SCGB1C2: variants seen among roughly 807,000 people sequenced by gnomAD.
The protein encoded by SCGB1C2 is secretoglobin family 1C member 2.
A neutral mutation model predicts 8.4 loss-of-function variants in SCGB1C2; 3 were observed. That is an observed-to-expected ratio of 0.36 (90% CI 0.16 to 0.92). The LOEUF is 0.92. Ranked by LOEUF, SCGB1C2 falls within the 40% of genes least tolerant of loss-of-function variation. SCGB1C2 has a pLI of 0.45. For synonymous variants in SCGB1C2, 18 were observed against 44.9 expected (o/e 0.40, Z 2.39); for missense variants, 54 against 105.7 (o/e 0.51, Z 2.14).
chr17:138,910 G>A lies in SCGB1C2; in HGVS notation c.256G>A (p.Val86Met). Residue 86 changes from valine to methionine, a missense_variant and splice_region_variant, in exon 3 of 3, where the codon GTG becomes ATG. Physicochemically the swap from Val to Met is conservative, Grantham distance 21. This residue lies in a region of SCGB1C2 where 54 missense variants were observed against 68.0 expected (regional missense o/e 0.79). Transcript: ENST00000595228. Reference protein sequence around the residue: ...MHKAELVKLLVQVLGSQDGA With the variant: ...MHKAELVKLLMQVLGSQDGA ...TAGTCCACATGTGTCTGCCTTCCAG[G>A]TGCAAGTGCTGGGCAGTCAGGACGG... 1.5e-6 allele frequency: 1 copy of A among 666,506 alleles called. No homozygotes were observed. Among genetic ancestry groups the A allele is most frequent in the East Asian group, 2.8e-5 (1 of 36,178 alleles). 41.3% of individuals were successfully genotyped at this position (666,506 alleles called of 1,614,324 possible).
chr17:138,329 C>T lies in SCGB1C2; in HGVS notation c.182C>T (p.Ala61Val). 1.2e-6 allele frequency: 2 copies of T among 1,611,824 alleles called. No homozygotes were observed. Among genetic ancestry groups the T allele is most frequent in the Non-Finnish European group, 1.7e-6 (2 of 1,179,386 alleles). The change falls in exon 2 of 3, where the codon GCA becomes GTA. Residue 61 changes from alanine (A) to valine (V), a missense_variant. Ala to Val is a moderately conservative substitution (Grantham distance 64). Coordinates refer to ENST00000595228, the MANE Select transcript of SCGB1C2 (RefSeq NM_001097610.3). ...TACAATGTCAACGAAGATGCCAAGG[C>T]AGCAATGACTGAACTCAAGTCCTGC... ...GKYNVNEDAK[A>V]AMTELKSCRD...
chr17:138,321 T>C lies in SCGB1C2; in HGVS notation c.174T>C (p.Asp58=). 1 of 1,610,628 alleles carries C rather than the reference T, an allele frequency of 6.2e-7. No homozygotes were observed. Among genetic ancestry groups the C allele is most frequent in the Non-Finnish European group, 8.5e-7 (1 of 1,178,700 alleles). ...TGGGCAAGTACAATGTCAACGAAGA[T>C]GCCAAGGCAGCAATGACTGAACTCA... ...GTLGKYNVNE[D]AKAAMTELKS... is the part of the protein sequence containing the mutation. The change falls in exon 2 of 3, where the codon GAT becomes GAC. Residue 58 remains aspartate, a synonymous_variant. Transcript: ENST00000595228.
rs1400810650 is a variant in SCGB1C2 at position 138,408 on chromosome 17, A to T, written c.255+6A>T. 3.8e-6 allele frequency: 6 copies of T among 1,565,626 alleles called. No homozygotes were observed. Among genetic ancestry groups the T allele is most frequent in the Non-Finnish European group, 5.2e-6 (6 of 1,154,556 alleles). On this transcript the variant is annotated splice_donor_region_variant and intron_variant, in intron 2 of 2. Coordinates refer to ENST00000595228, the MANE Select transcript of SCGB1C2 (RefSeq NM_001097610.3). ...CGGAGCTGGTCAAGCTGCTGGTATG[A>T]GGGCGGCGGGCACCCCATTTTCTAA...
rs1263795590 is a variant in SCGB1C2 at position 138,263 on chromosome 17, T to G, written c.116T>G (p.Val39Gly). The change falls in exon 2 of 3, where the codon GTG becomes GGG. Residue 39 changes from valine to glycine, a missense_variant. Physicochemically the swap from Val to Gly is moderately radical, Grantham distance 109. Around this residue, in one of 2 missense-constraint regions of SCGB1C2, gnomAD observed 54 missense variants for 68.0 expected, o/e 0.79. Transcript: ENST00000595228. ...ATGGACTTCCTGCAAACACTACTGG[T>G]GGGGACCCCAGAGGAGCTCTATGAG... ...FFMDFLQTLL[V>G]GTPEELYEGT... 3.3e-6 allele frequency: 4 copies of G among 1,219,142 alleles called. No homozygotes were observed. Among genetic ancestry groups the G allele is most frequent in the Non-Finnish European group, 3.6e-6 (3 of 832,644 alleles). 75.5% of individuals were successfully genotyped at this position (1,219,142 alleles called of 1,614,324 possible).
rs2039966300 is a variant in SCGB1C2, at chr17:138,400, C to T, written c.253C>T (p.Leu85=). 6.9e-6 allele frequency: 11 copies of T among 1,604,834 alleles called. No individual in the cohort carries two copies. Among genetic ancestry groups the T allele is most frequent in the Non-Finnish European group, 9.4e-6 (11 of 1,176,136 alleles). The change falls in exon 2 of 3, where the codon CTG becomes TTG. Residue 85 remains leucine, a splice_region_variant and synonymous_variant. Coordinates refer to ENST00000595228, the MANE Select transcript of SCGB1C2 (RefSeq NM_001097610.3). ...PMHKAELVKL[L]VQVLGSQDGA ...GCACAAGGCGGAGCTGGTCAAGCTG[C>T]TGGTATGAGGGCGGCGGGCACCCCA... is the stretch of plus-strand genomic sequence containing the variant.
At position 138,298 on chromosome 17, in the gene SCGB1C2, G is replaced by C; in HGVS notation, c.151G>C (p.Gly51Arg). The change falls in exon 2 of 3, where the codon GGC becomes CGC. Residue 51 changes from glycine to arginine, a missense_variant. By Grantham distance (125) the Gly-to-Arg change is moderately radical (BLOSUM62 -2). Transcript: ENST00000595228. Reference protein sequence around the residue: ...TPEELYEGTLGKYNVNEDAKA... With the variant: ...TPEELYEGTLRKYNVNEDAKA... ...AGAGGAGCTCTATGAGGGGACCTTG[G>C]GCAAGTACAATGTCAACGAAGATGC... 2.6e-6 allele frequency: 4 copies of C among 1,558,060 alleles called. No individual in the cohort carries two copies. Among genetic ancestry groups the C allele is most frequent in the Non-Finnish European group, 3.5e-6 (4 of 1,134,286 alleles).
intron 2 of SCGB1C2, 149 bp downstream of exon 2, chr17:138,551 G>C: frequency 5.6e-6 from 3 of 534,512 alleles, no homozygotes; most frequent in Non-Finnish European, 9.8e-6. Context: ...GGACACCCCA[G>C]ACCTCCTGTC....
At position 138,241 on chromosome 17, in the gene SCGB1C2, G is replaced by C; in HGVS notation, c.94G>C (p.Asp32His). Residue 32 changes from aspartate (D) to histidine (H), a missense_variant, in exon 2 of 3, where the codon GAC (aspartate) becomes CAC (histidine). By Grantham distance (81) the Asp-to-His change is moderately conservative. Around this residue, in one of 2 missense-constraint regions of SCGB1C2, gnomAD observed 54 missense variants for 68.0 expected, o/e 0.79. Coordinates refer to ENST00000595228, the MANE Select transcript of SCGB1C2 (RefSeq NM_001097610.3). ...TGEDNDEFFM[D>H]FLQTLLVGTP... ...GGAGGACAACGATGAGTTTTTCATG[G>C]ACTTCCTGCAAACACTACTGGTGGG... 2 of 1,182,570 alleles carry C rather than the reference G, an allele frequency of 1.7e-6. No homozygotes were observed. Among genetic ancestry groups the C allele is most frequent in the Non-Finnish European group, 2.5e-6 (2 of 812,428 alleles). 73.3% of individuals were successfully genotyped at this position (1,182,570 alleles called of 1,614,324 possible).
At chr17:137,749 C>G in intron 1 of SCGB1C2, 104 bp downstream of exon 1, 1 of 698,136 alleles carries the variant, frequency 1.4e-6, no homozygotes, top group African/African-American at 1.9e-5. Context: ...AGTGAACACT[C>G]CACCTGCTTC....
intron 2 of SCGB1C2, 42 bp from the exon 3 acceptor site, chr17:138,868 A>G: frequency 1.8e-6 from 1 of 543,000 alleles, no homozygotes; most frequent in Middle Eastern, 5.0e-4. Flanking sequence ...CTCTCCACTT[A>G]TTGAGCACAG....
chr17:139,065 G>T lies in SCGB1C2; in HGVS notation c.*123G>T. ...CCGTTTAATCAATAAAGCCTCTTCC[G>T]CAGCTCAGGCTCCTGTCTCTGCCCC... On this transcript the variant is annotated 3_prime_UTR_variant, in exon 3 of 3. Transcript: ENST00000595228. The T allele has an allele frequency of 1.7e-6, 1 of 582,570 alleles. No homozygotes were observed. Among genetic ancestry groups the T allele is most frequent in the Non-Finnish European group, 3.1e-6 (1 of 323,520 alleles). The allele number at this position is 582,570 out of a possible 1,614,324, so 36.1% of individuals were successfully genotyped here. A position where few individuals can be genotyped will look rare whatever the true frequency, so the allele number is the denominator to read the frequency against.
rs1259053621 is a variant in SCGB1C2 at position 138,370 on chromosome 17, C to G, written c.223C>G (p.Pro75Ala). ...ELKSCRDGLQ[P>A]MHKAELVKLL... ...CAAGTCCTGCAGAGATGGCCTGCAG[C>G]CAATGCACAAGGCGGAGCTGGTCAA... Residue 75 changes from proline (P) to alanine (A), a missense_variant, in exon 2 of 3, where the codon CCA (proline) becomes GCA (alanine). Coordinates refer to ENST00000595228, the MANE Select transcript of SCGB1C2 (RefSeq NM_001097610.3). 6.2e-7 allele frequency: 1 copy of G among 1,612,502 alleles called. No individual in the cohort carries two copies. The highest frequency in any genetic ancestry group is 8.5e-7 in the Non-Finnish European group (1 of 1,179,726).
chr17:138,435 G>A, intron 2 of SCGB1C2, 33 bp downstream of exon 2: 2 of 1,134,190 alleles, frequency 1.8e-6, no homozygotes, highest in South Asian at 2.9e-5. Context: ...ATTTTCTAAA[G>A]ATCTGCAGCC....
At position 138,309 on chromosome 17, in the gene SCGB1C2, T is replaced by C; in HGVS notation, c.162T>C (p.Asn54=). Reference sequence around the variant, plus strand: ...ATGAGGGGACCTTGGGCAAGTACAATGTCAACGAAGATGCCAAGGCAGCAA... The same window carrying C: ...ATGAGGGGACCTTGGGCAAGTACAACGTCAACGAAGATGCCAAGGCAGCAA... The part of the protein sequence containing the change: ...ELYEGTLGKY[N]VNEDAKAAMT... The change falls in exon 2 of 3, where the codon AAT becomes AAC. Residue 54 remains asparagine (N), a synonymous_variant. Coordinates refer to ENST00000595228, the MANE Select transcript of SCGB1C2 (RefSeq NM_001097610.3). The C allele has an allele frequency of 1.2e-6, 2 of 1,601,626 alleles. No individual in the cohort carries two copies. Among genetic ancestry groups the C allele is most frequent in the Non-Finnish European group, 1.7e-6 (2 of 1,171,664 alleles).
Position 138,345 on chromosome 17 carries a change from C to G in SCGB1C2, c.198C>G (p.Leu66=). The stretch of plus-strand genomic sequence containing the variant: ...ATGCCAAGGCAGCAATGACTGAACT[C>G]AAGTCCTGCAGAGATGGCCTGCAGC... The part of the protein sequence containing the change: ...NEDAKAAMTE[L]KSCRDGLQPM... The change falls in exon 2 of 3, where the codon CTC becomes CTG. Residue 66 remains leucine (L), a synonymous_variant. Transcript: ENST00000595228. 6.2e-7 allele frequency: 1 copy of G among 1,612,862 alleles called. No homozygotes were observed.
chr17:138,820 C>G (rs1237355928), intron 2 of SCGB1C2, 90 bp from the exon 3 acceptor site: 9 of 664,164 alleles, frequency 1.4e-5, no homozygotes, highest in African/African-American at 2.5e-5. Flanking sequence ...CCAGACCCCC[C>G]CCCCACTGAG....
In SCGB1C2 at chr17:138,411, G is replaced by T; in HGVS notation, c.255+9G>T. 3 of 1,532,924 alleles carry T rather than the reference G, an allele frequency of 2.0e-6. No individual in the cohort carries two copies. Among genetic ancestry groups the T allele is most frequent in the East Asian group, 4.5e-5 (2 of 43,986 alleles). 95.0% of individuals were successfully genotyped at this position (1,532,924 alleles called of 1,614,324 possible). On this transcript the variant is annotated intron_variant, in intron 2 of 2. Transcript: ENST00000595228. ...AGCTGGTCAAGCTGCTGGTATGAGG[G>T]CGGCGGGCACCCCATTTTCTAAAGA...
In SCGB1C2 at chr17:138,307, A is replaced by G; in HGVS notation, c.160A>G (p.Asn54Asp). The stretch of plus-strand genomic sequence containing the variant: ...CTATGAGGGGACCTTGGGCAAGTAC[A>G]ATGTCAACGAAGATGCCAAGGCAGC... ...ELYEGTLGKY[N>D]VNEDAKAAMT... Residue 54 changes from asparagine to aspartate, a missense_variant, in exon 2 of 3, where the codon AAT becomes GAT. Asn to Asp is a conservative substitution (Grantham distance 23). Transcript: ENST00000595228. 2 of 1,599,012 alleles carry G rather than the reference A, an allele frequency of 1.3e-6. No homozygotes were observed. Among genetic ancestry groups the G allele is most frequent in the Non-Finnish European group, 1.7e-6 (2 of 1,169,530 alleles).
chr17:138,965 C>T lies in SCGB1C2; in HGVS notation c.*23C>T. 6.4e-6 allele frequency: 4 copies of T among 626,974 alleles called. No homozygotes were observed. The East Asian group carries it at 8.3e-5, about 13-fold the overall frequency. The allele number at this position is 626,974 out of a possible 1,614,324, so 38.8% of individuals were successfully genotyped here. ...TAAGTGGACCTCAGACATGGCTCAG[C>T]CATAGGACCTGCCACACAAGCAGCC... is the stretch of plus-strand genomic sequence containing the variant. On this transcript the variant is annotated 3_prime_UTR_variant, in exon 3 of 3. Coordinates refer to ENST00000595228, the MANE Select transcript of SCGB1C2 (RefSeq NM_001097610.3).
Sources: allele counts gnomAD v4.1 joint callset, GRCh38; gene constraint gnomAD v4.1.1; regional missense constraint gnomAD v4.1.1; transcripts MANE v1.5; gene names NCBI Gene and HGNC (gene_info 2026-07-23, HGNC 2026-07-21).